Variants in CFAP299 observed in about 807,000 individuals in gnomAD.
The protein encoded by CFAP299 is cilia and flagella associated protein 299.
CFAP299 carries 21 observed loss-of-function variants against 27.0 expected under a neutral mutation model. The observed-to-expected ratio is 0.78, with a 90% CI of 0.55 to 1.12. The LOEUF (loss-of-function observed/expected upper bound fraction) is 1.12. Ranked by LOEUF, CFAP299 falls within the 50% of genes most tolerant of loss-of-function variation. The pLI, the probability that CFAP299 is intolerant of heterozygous loss-of-function variation, is 0.00. For synonymous variants in CFAP299, 104 were observed against 98.1 expected (o/e 1.06, Z -0.36); for missense variants, 310 against 276.6 (o/e 1.12, Z -0.86).
At chr4:80,645,719 A>T (rs1473466098) in intron 3 of CFAP299, among the ~76,000 whole-genome samples, 1 of 152,156 alleles carries the variant, frequency 6.6e-6, no homozygotes. Flanking sequence ...TAGTTTAAAT[A>T]GCTTCCTGTC....
Position 80,542,148 on chromosome 4 carries a change from G to A in CFAP299, c.243-40945G>A, listed in dbSNP as rs115902480. On this transcript the variant is annotated intron_variant, in intron 2 of 5. Transcript: ENST00000358105. The stretch of plus-strand genomic sequence containing the variant: ...CTTCAGCCTTTGGACTCTGGGACTT[G>A]CACCAGCAGCCTCCCAGCGGCTCTC... 4.8e-3 allele frequency among the ~76,000 whole-genome samples: 735 copies of A among 152,234 alleles called. 2 individuals carry two copies. The highest frequency in any genetic ancestry group is 7.6e-3 in the Non-Finnish European group (517 of 68,014).
intron 5 of CFAP299, among the ~76,000 whole-genome samples, chr4:80,961,555 A>G (rs1738344723): frequency 6.6e-6 from 1 of 151,800 alleles, no homozygotes; most frequent in South Asian, 2.1e-4. Context: ...AATTTAGGAG[A>G]CATTTTAACC....
At chr4:80,560,430 G>A (rs1361852117) in intron 2 of CFAP299, among the ~76,000 whole-genome samples, 1 of 152,086 alleles carries the variant, frequency 6.6e-6, no homozygotes, top group Non-Finnish European at 1.5e-5. Flanking sequence ...TGGGAAAGCA[G>A]AGGGAAAAGT....
At chr4:80,322,863 T>C in the CFAP299 span, among the ~76,000 whole-genome samples, 1 of 152,164 alleles carries the variant, frequency 6.6e-6, no homozygotes, top group African/African-American at 2.4e-5. Flanking sequence ...GTGGGTGAAG[T>C]TGATCCTGCA....
chr4:80,913,953 G>GT (rs1735613535), intron 4 of CFAP299, among the ~76,000 whole-genome samples: 1 of 152,102 alleles, frequency 6.6e-6, no homozygotes, highest in South Asian at 2.1e-4. Context: ...AGTCTGTACT[G>GT]TTTTTTGGCT....
intron 2 of CFAP299, among the ~76,000 whole-genome samples, chr4:80,443,514 G>A (rs1728470036): frequency 6.6e-6 from 1 of 152,118 alleles, no homozygotes; most frequent in Non-Finnish European, 1.5e-5. Flanking sequence ...TAAGCTAGGT[G>A]TTGATGGAAC....
At position 80,718,983 on chromosome 4, in the gene CFAP299, C is replaced by T. The variant is rs141447967; in HGVS notation, c.333+135800C>T. Among the ~76,000 whole-genome samples the T allele has an allele frequency of 5.6e-3, 859 of 152,186 alleles. 8 individuals are homozygous for T. Among genetic ancestry groups the T allele is most frequent in the African/African-American group, 0.018 (750 of 41,536 alleles). On this transcript the variant is annotated intron_variant, in intron 3 of 5. Coordinates refer to ENST00000358105, the MANE Select transcript of CFAP299 (RefSeq NM_152770.3). Reference sequence around the variant, plus strand: ...CCATAAAAAAGAACAAGATCCTGTCCTTTGCAGGAACATGGATGGAGTTTG... The same window carrying T: ...CCATAAAAAAGAACAAGATCCTGTCTTTTGCAGGAACATGGATGGAGTTTG...
intron 3 of CFAP299, among the ~76,000 whole-genome samples, chr4:80,757,605 G>T (rs1725308590): frequency 6.6e-6 from 1 of 152,022 alleles, no homozygotes; most frequent in African/African-American, 2.4e-5. Flanking sequence ...CCACTATTTG[G>T]TCAGTTAATC....
chr4:80,501,301 G>T (rs1263925750), intron 2 of CFAP299, among the ~76,000 whole-genome samples: 1 of 151,336 alleles, frequency 6.6e-6, no homozygotes, highest in Admixed American at 6.6e-5. Flanking sequence ...CTTAATGGTA[G>T]ACTTAATTTT....
At chr4:80,432,315 C>A (rs1195869777) in intron 2 of CFAP299, among the ~76,000 whole-genome samples, 3 of 151,706 alleles carry the variant, frequency 2.0e-5, no homozygotes, top group African/African-American at 7.3e-5. Context: ...CCATGGCTGG[C>A]TAATTTTTGT....
intron 2 of CFAP299, among the ~76,000 whole-genome samples, chr4:80,476,000 T>A (rs1730257474): frequency 6.6e-6 from 1 of 152,172 alleles, no homozygotes; most frequent in Admixed American, 6.5e-5. Flanking sequence ...GGCCAAGTAG[T>A]CTATCCTTTT....
intron 4 of CFAP299, among the ~76,000 whole-genome samples, chr4:80,879,006 T>C (rs1273051062): frequency 1.3e-5 from 2 of 152,168 alleles, no homozygotes; most frequent in Non-Finnish European, 2.9e-5. Context: ...TACTGTCCTA[T>C]AGCTTCCCTA....
chr4:80,430,181 T>C (rs1413617219), intron 2 of CFAP299, among the ~76,000 whole-genome samples: 1 of 152,250 alleles, frequency 6.6e-6, no homozygotes, highest in Non-Finnish European at 1.5e-5. Context: ...TACCAGGTAC[T>C]GTTCTAGTCC....
intron 3 of CFAP299, among the ~76,000 whole-genome samples, chr4:80,637,490 C>T (rs1739508581): frequency 6.6e-6 from 1 of 152,100 alleles, no homozygotes; most frequent in South Asian, 2.1e-4. Context: ...GAACCTTTTT[C>T]TGTACAGGTA....
chr4:80,579,600 G>T (rs1310114851), intron 2 of CFAP299, among the ~76,000 whole-genome samples: 2 of 152,084 alleles, frequency 1.3e-5, no homozygotes, highest in African/African-American at 4.8e-5. Flanking sequence ...ACTAGTGAAT[G>T]ATGCCTAAAA....
chr4:80,607,653 A>G (rs1737748445), intron 3 of CFAP299, among the ~76,000 whole-genome samples: 1 of 152,166 alleles, frequency 6.6e-6, no homozygotes. Flanking sequence ...CCAGAGAAAC[A>G]TTGTGTTATT....
intron 2 of CFAP299, among the ~76,000 whole-genome samples, chr4:80,383,379 C>T (rs1052378251): frequency 6.6e-6 from 1 of 152,068 alleles, no homozygotes; most frequent in Non-Finnish European, 1.5e-5. Flanking sequence ...ATATTGACGT[C>T]ACATAATTCA....
intron 2 of CFAP299, among the ~76,000 whole-genome samples, chr4:80,414,074 T>TTTC (rs1726872064): frequency 2.0e-5 from 1 of 50,964 alleles, no homozygotes; most frequent in Non-Finnish European, 4.2e-5. Context: ...CTTTTTTTTT[T>TTTC]TTTTTTTTTT....
At chr4:80,484,281 C>A (rs1188429313) in intron 2 of CFAP299, among the ~76,000 whole-genome samples, 2 of 151,976 alleles carry the variant, frequency 1.3e-5, no homozygotes, top group East Asian at 3.9e-4. Context: ...TATTTTATTT[C>A]ATGAATAAAG....
Sources: gnomAD v4.1 joint callset for allele counts (sites outside exome capture counted in the v4.1 genomes callset) on GRCh38, gnomAD v4.1.1 for gene constraint, MANE v1.5 for transcripts, NCBI Gene and HGNC (gene_info 2026-07-23, HGNC 2026-07-21) for gene names.